SP100: variants seen among roughly 807,000 people sequenced by gnomAD.
The protein encoded by SP100 is nuclear autoantigen Sp-100.
In SP100, 84 loss-of-function variants were observed where a neutral mutation model predicts 130.0. That is an observed-to-expected ratio of 0.65 (90% CI 0.54 to 0.77). The LOEUF (loss-of-function observed/expected upper bound fraction) is 0.77. Among genes scored for constraint, SP100 ranks in the 30% least tolerant of loss-of-function variants. The pLI is 0.00. For synonymous variants in SP100, 331 were observed against 351.7 expected (o/e 0.94, Z 0.66); for missense variants, 978 against 1,052.2 (o/e 0.93, Z 0.97).
Position 230,423,630 on chromosome 2 carries a change from TAA to T in SP100, c.107+5966_107+5967del, listed in dbSNP as rs1450549523. On this transcript the variant is annotated intron_variant, in intron 2 of 28. Transcript: ENST00000340126. ...TTTACTTGCAGTGTTTCTTATTTTC[TAA>T]TAAATGCATTTTAGGCCATGAATGT... Among the ~76,000 whole-genome samples the T allele has an allele frequency of 3.9e-5, 6 of 152,356 alleles. No homozygotes were observed. In the East Asian group the frequency reaches 1.2e-3, roughly 29 times the overall value.
At chr2:230,488,202 G>A (rs1392286199) in intron 17 of SP100, among the ~76,000 whole-genome samples, 1 of 152,086 alleles carries the variant, frequency 6.6e-6, no homozygotes, top group African/African-American at 2.4e-5. Context: ...GATTGCCCTG[G>A]CCAGAACTTC....
chr2:230,480,994 A>T (rs75035753), intron 17 of SP100, among the ~76,000 whole-genome samples: 16,830 of 141,508 alleles, frequency 0.12, 1,143 homozygotes, highest in Middle Eastern at 0.27. Context: ...TTTGCTGGTG[A>T]TGTTGGTGGT....
intron 17 of SP100, among the ~76,000 whole-genome samples, chr2:230,483,398 C>T (rs577646083): frequency 3.9e-5 from 6 of 152,206 alleles, no homozygotes; most frequent in Admixed American, 6.5e-5. Context: ...CTTTAGGCAA[C>T]GGCAAGGGAG....
chr2:230,419,519 A>G (rs2062709968), intron 2 of SP100, among the ~76,000 whole-genome samples: 1 of 152,244 alleles, frequency 6.6e-6, no homozygotes, highest in South Asian at 2.1e-4. Flanking sequence ...CAATTCAGAT[A>G]TGCCAAAGAG....
chr2:230,480,622 G>T (rs998343647), intron 17 of SP100, among the ~76,000 whole-genome samples: 3 of 152,182 alleles, frequency 2.0e-5, no homozygotes, highest in African/African-American at 7.2e-5. Flanking sequence ...GATGAGGTAG[G>T]GGGTAGACGG....
Position 230,506,334 on chromosome 2 carries a change from TA to T in SP100, c.1907del (p.Lys636SerfsTer22), listed in dbSNP as rs1222028114. ...CAAAGAAGTGTATACAGAGTGAGGA[TA>T]AAAAGTGGTTCACTCCCAGGGAATT... ...TSKKCIQSED[K>X]KWFTPREFEI... is the part of the protein sequence containing the mutation. On this transcript the variant is annotated frameshift_variant, in exon 22 of 29. Coordinates refer to ENST00000340126, the MANE Select transcript of SP100 (RefSeq NM_001080391.2). LOFTEE classifies it high-confidence loss of function. The T allele has an allele frequency of 6.2e-7, 1 of 1,613,762 alleles. No individual in the cohort carries two copies. Among genetic ancestry groups the T allele is most frequent in the African/African-American group, 1.3e-5 (1 of 74,890 alleles).
intron 11 of SP100, among the ~76,000 whole-genome samples, chr2:230,465,421 C>T (rs772611653): frequency 5.9e-5 from 9 of 151,986 alleles, no homozygotes; most frequent in East Asian, 1.9e-4. Context: ...TAAAAAAGAA[C>T]GAGATCATGT....
rs1369533151 is a variant in SP100, at chr2:230,442,872, T to C, written c.108-65T>C. The C allele has an allele frequency of 3.8e-5, 54 of 1,416,426 alleles. No individual in the cohort carries two copies. The Admixed American group carries it at 9.8e-4, about 26-fold the overall frequency. The allele number at this position is 1,416,426 out of a possible 1,614,324, so 87.7% of individuals were successfully genotyped here. On this transcript the variant is annotated intron_variant, in intron 2 of 28. Coordinates refer to ENST00000340126, the MANE Select transcript of SP100 (RefSeq NM_001080391.2). ...TAGCTTGTCCTTTATATGTAAACTC[T>C]TACAGCCTCCACAAACATCTCAGAA...
At chr2:230,517,108 T>C (rs940031878) in intron 24 of SP100, among the ~76,000 whole-genome samples, 3 of 152,168 alleles carry the variant, frequency 2.0e-5, no homozygotes, top group Admixed American at 6.5e-5. Flanking sequence ...GTTTCTCCCA[T>C]ACAATTTACC....
At chr2:230,515,652 T>C in intron 24 of SP100, 1 of 1,590,898 alleles carries the variant, frequency 6.3e-7, no homozygotes, top group Non-Finnish European at 8.5e-7. Flanking sequence ...TTGCTTCTAG[T>C]GCAGTTTTTT....
In SP100 at chr2:230,506,292, T is replaced by C. The variant is rs749481799; in HGVS notation, c.1871-11T>C. Reference sequence around the variant, plus strand: ...CACAGTTGGGGAGCTCACTTTGCCTTGGTCTTACAGGAACCTCAAAGAAGT... The same window carrying C: ...CACAGTTGGGGAGCTCACTTTGCCTCGGTCTTACAGGAACCTCAAAGAAGT... On this transcript the variant is annotated splice_polypyrimidine_tract_variant and intron_variant, in intron 21 of 28. Transcript: ENST00000340126. The C allele has an allele frequency of 1.9e-6, 3 of 1,613,202 alleles. No homozygotes were observed. In the East Asian group the frequency reaches 6.7e-5, roughly 36 times the overall value.
chr2:230,445,325 G>T (rs2063660486), intron 4 of SP100, among the ~76,000 whole-genome samples: 2 of 152,210 alleles, frequency 1.3e-5, no homozygotes, highest in South Asian at 4.1e-4. Flanking sequence ...ATGCTCTGAA[G>T]ATGGTGGATG....
intron 17 of SP100, among the ~76,000 whole-genome samples, chr2:230,477,676 G>T (rs563883014): frequency 6.6e-6 from 1 of 152,264 alleles, no homozygotes; most frequent in East Asian, 1.9e-4. Context: ...AGAGCTCAGA[G>T]GTAGAACCAT....
chr2:230,500,936 G>A (rs902553206), intron 19 of SP100, among the ~76,000 whole-genome samples: 4 of 152,038 alleles, frequency 2.6e-5, no homozygotes, highest in Non-Finnish European at 4.4e-5. Context: ...CACATTTTAC[G>A]TGTTTCTTTT....
intron 2 of SP100, among the ~76,000 whole-genome samples, chr2:230,430,953 C>A (rs1169161474): frequency 1.3e-5 from 2 of 152,218 alleles, no homozygotes; most frequent in Non-Finnish European, 1.5e-5. Context: ...TGAGGCTGGG[C>A]AGAATTTCTT....
intron 2 of SP100, among the ~76,000 whole-genome samples, chr2:230,436,446 T>C (rs2149886816): frequency 7.7e-6 from 1 of 129,344 alleles, no homozygotes; most frequent in South Asian, 2.3e-4. Flanking sequence ...TCTGTTCTCA[T>C]GATAATGAGT....
rs754348324 is a variant in SP100 at position 230,539,366 on chromosome 2, T to A, written c.2194T>A (p.Ser732Thr). 1.2e-6 allele frequency: 2 copies of A among 1,613,290 alleles called. No homozygotes were observed. The highest frequency in any genetic ancestry group is 3.3e-5 in the Admixed American group (2 of 59,998). Reference sequence around the variant, plus strand: ...CTTTCATGAGCACTGCCACATCCCATCCGTGGAAGCTAACAAGTGAGTAAG... The same window carrying A: ...CTTTCATGAGCACTGCCACATCCCAACCGTGGAAGCTAACAAGTGAGTAAG... ...RSFHEHCHIP[S>T]VEANKNPWSC... The change falls in exon 25 of 29, where the codon TCC (serine) becomes ACC (threonine). Residue 732 changes from serine to threonine, a missense_variant. Transcript: ENST00000340126.
At chr2:230,517,764 C>A (rs1307654385) in intron 24 of SP100, among the ~76,000 whole-genome samples, 47 of 144,384 alleles carry the variant, frequency 3.3e-4, no homozygotes, top group Admixed American at 4.2e-4. Flanking sequence ...GACTCCATCT[C>A]AAAAAAAAAA....
At chr2:230,472,159 T>C (rs2065292426) in intron 15 of SP100, among the ~76,000 whole-genome samples, 2 of 152,098 alleles carry the variant, frequency 1.3e-5, no homozygotes, top group African/African-American at 4.8e-5. Flanking sequence ...CCAGGCGCAG[T>C]GACTCATGCC....
Sources: gnomAD v4.1 joint callset for allele counts (sites outside exome capture counted in the v4.1 genomes callset) on GRCh38, gnomAD v4.1.1 for gene constraint, MANE v1.5 for transcripts, NCBI Gene and HGNC (gene_info 2026-07-23, HGNC 2026-07-21) for gene names.